Variants in IQGAP2 observed in about 807,000 individuals in gnomAD.
IQGAP2 encodes the protein ras GTPase-activating-like protein IQGAP2.
Under a neutral mutation model 201.3 loss-of-function variants are expected in IQGAP2, and 173 were observed. The observed-to-expected ratio is 0.86, with a 90% CI of 0.76 to 0.98. The LOEUF (loss-of-function observed/expected upper bound fraction) is 0.98, where lower values mean the gene tolerates loss of function less well. Ranked by LOEUF, IQGAP2 falls within the 50% of genes least tolerant of loss-of-function variation. IQGAP2 has a pLI of 0.00. For missense variants in IQGAP2, 1,687 were observed against 1,864.8 expected (o/e 0.90, Z 1.76); for synonymous variants, 675 against 673.9 (o/e 1.00, Z -0.03).
intron 9 of IQGAP2, among the ~76,000 whole-genome samples, chr5:76,594,826 C>T (rs997735815): frequency 2.0e-5 from 3 of 151,848 alleles, no homozygotes; most frequent in South Asian, 2.1e-4. Context: ...GTCAGCCAGG[C>T]GTGGTGGCGG....
At chr5:76,436,301 CAG>C (rs1486323517) in intron 1 of IQGAP2, among the ~76,000 whole-genome samples, 4 of 151,302 alleles carry the variant, frequency 2.6e-5, no homozygotes, top group Non-Finnish European at 5.9e-5. Flanking sequence ...TTCCAGTACT[CAG>C]GGGGAATGCT....
At chr5:76,538,175 G>A (rs1257266556) in intron 2 of IQGAP2, among the ~76,000 whole-genome samples, 1 of 152,112 alleles carries the variant, frequency 6.6e-6, no homozygotes, top group African/African-American at 2.4e-5. Flanking sequence ...CTTGTTCAGG[G>A]GAACTCCTCT....
chr5:76,502,245 A>T (rs1459512133), intron 2 of IQGAP2, among the ~76,000 whole-genome samples: 3 of 152,156 alleles, frequency 2.0e-5, no homozygotes, highest in Non-Finnish European at 4.4e-5. Context: ...GAACTCAAAG[A>T]TGTGTAGAGA....
chr5:76,520,922 T>A (rs961476243), intron 2 of IQGAP2, among the ~76,000 whole-genome samples: 7 of 152,030 alleles, frequency 4.6e-5, no homozygotes, highest in Admixed American at 4.6e-4. Context: ...CTGGCCAGGC[T>A]GGTCTCAAAT....
At chr5:76,604,538 T>A (rs2150328588) in intron 11 of IQGAP2, among the ~76,000 whole-genome samples, 1 of 152,042 alleles carries the variant, frequency 6.6e-6, no homozygotes, top group East Asian at 1.9e-4. Flanking sequence ...CTTTATAGCT[T>A]GTTTTTGTTC....
At chr5:76,436,959 C>T (rs1025919066) in intron 1 of IQGAP2, among the ~76,000 whole-genome samples, 3 of 151,968 alleles carry the variant, frequency 2.0e-5, no homozygotes, top group Admixed American at 2.0e-4. Context: ...ATATGTTAAA[C>T]ATACATTATA....
chr5:76,670,456 G>C (rs1365915922), intron 23 of IQGAP2, among the ~76,000 whole-genome samples: 1 of 152,218 alleles, frequency 6.6e-6, no homozygotes, highest in African/African-American at 2.4e-5. Context: ...AGAGCTTGCA[G>C]TGAGCTGAGA....
intron 35 of IQGAP2, among the ~76,000 whole-genome samples, chr5:76,706,896 AG>A (rs1178218689): frequency 6.6e-6 from 1 of 152,224 alleles, no homozygotes; most frequent in Non-Finnish European, 1.5e-5. Context: ...GGAGGAGCCC[AG>A]GCAGCCTTTA....
chr5:76,522,244 G>A (rs1211050050), intron 2 of IQGAP2, among the ~76,000 whole-genome samples: 4 of 150,876 alleles, frequency 2.7e-5, no homozygotes, highest in East Asian at 2.0e-4. Context: ...GTACAGTGGC[G>A]CAATCTCGGC....
chr5:76,406,920 T>C (rs1309455129), intron 1 of IQGAP2, among the ~76,000 whole-genome samples: 4 of 152,226 alleles, frequency 2.6e-5, no homozygotes, highest in Admixed American at 2.6e-4. Flanking sequence ...AAGTGCAACC[T>C]AAGTCCAGCA....
At chr5:76,515,794 G>T (rs988043512) in intron 2 of IQGAP2, among the ~76,000 whole-genome samples, 5 of 151,380 alleles carry the variant, frequency 3.3e-5, no homozygotes, top group Admixed American at 2.0e-4. Context: ...AAAAATGAAG[G>T]TCAAGAAAAA....
intron 2 of IQGAP2, among the ~76,000 whole-genome samples, chr5:76,504,710 C>G (rs989712214): frequency 6.6e-6 from 1 of 152,216 alleles, no homozygotes; most frequent in Non-Finnish European, 1.5e-5. Context: ...AACAAAATAA[C>G]ATATTTGGTC....
chr5:76,517,162 CTT>C (rs2150189488), intron 2 of IQGAP2, among the ~76,000 whole-genome samples: 1 of 151,904 alleles, frequency 6.6e-6, no homozygotes, highest in East Asian at 1.9e-4. Context: ...CAGGTTAACA[CTT>C]AAAGTATAAA....
intron 1 of IQGAP2, among the ~76,000 whole-genome samples, chr5:76,415,942 CA>C (rs11394699): frequency 0.41 from 55,865 of 135,524 alleles, 11,298 homozygotes; most frequent in East Asian, 0.52. Flanking sequence ...GTAACTGTCT[CA>C]AAAAAAAAAA....
In IQGAP2 at chr5:76,434,192, T is replaced by A. The variant is rs186737293; in HGVS notation, c.47-27378T>A. 2.3e-3 allele frequency among the ~76,000 whole-genome samples: 348 copies of A among 152,320 alleles called. 2 individuals are homozygous for A. Among genetic ancestry groups the A allele is most frequent in the African/African-American group, 7.3e-3 (304 of 41,572 alleles). On this transcript the variant is annotated intron_variant, in intron 1 of 35. Transcript: ENST00000274364. ...ACCAAGTTTAAGGATATATTTAAAA[T>A]TTTTAAAGAAATTTCAATAGCTTTG...
At chr5:76,681,103 A>C (rs1174092259) in intron 28 of IQGAP2, among the ~76,000 whole-genome samples, 15 of 149,820 alleles carry the variant, frequency 1.0e-4, no homozygotes, top group African/African-American at 3.7e-4. Flanking sequence ...AAAAAAAAAA[A>C]AAAAAAAAAA....
chr5:76,626,100 G>A (rs1423854855), intron 13 of IQGAP2, among the ~76,000 whole-genome samples: 1 of 152,044 alleles, frequency 6.6e-6, no homozygotes, highest in African/African-American at 2.4e-5. Flanking sequence ...CATTGCTGCT[G>A]TTGCTTCCTT....
chr5:76,640,124 AATCC>A (rs3839251), intron 16 of IQGAP2, among the ~76,000 whole-genome samples: 93,875 of 151,456 alleles, frequency 0.62, 29,196 homozygotes, highest in South Asian at 0.78. Flanking sequence ...AAACAACTGG[AATCC>A]AGTTACCTGT....
intron 1 of IQGAP2, among the ~76,000 whole-genome samples, chr5:76,454,154 C>T (rs1753929385): frequency 6.6e-6 from 1 of 152,008 alleles, no homozygotes; most frequent in African/African-American, 2.4e-5. Context: ...TATAATTCTT[C>T]CAAATTAAGC....
Sources: gnomAD v4.1 joint callset for allele counts (sites outside exome capture counted in the v4.1 genomes callset) on GRCh38, gnomAD v4.1.1 for gene constraint, MANE v1.5 for transcripts, NCBI Gene and HGNC (gene_info 2026-07-23, HGNC 2026-07-21) for gene names.